Variants in ZFYVE9 observed in about 807,000 individuals in gnomAD.
ZFYVE9 encodes the protein zinc finger FYVE-type containing 9.
In ZFYVE9, 43 loss-of-function variants were observed where a neutral mutation model predicts 126.7. The ratio of observed to expected loss-of-function variants is 0.34; its 90% CI spans 0.27 to 0.44. ZFYVE9 has a LOEUF of 0.44. ZFYVE9 is among the 20% of genes least tolerant of loss of function. ZFYVE9 has a pLI of 1.00. For synonymous variants in ZFYVE9, 521 were observed against 597.4 expected, an observed-to-expected ratio of 0.87 and a Z score of 1.87; for missense variants, 1,476 against 1,697.0, an observed-to-expected ratio of 0.87 and a Z score of 2.29.
At chr1:52,191,522 AT>A in intron 1 of ZFYVE9, among the ~76,000 whole-genome samples, 1 of 152,302 alleles carries the variant, frequency 6.6e-6, no homozygotes. Context: ...AATGACATAT[AT>A]TTGTAGAATT....
intron 7 of ZFYVE9, among the ~76,000 whole-genome samples, chr1:52,273,018 T>C (rs1183813641): frequency 6.6e-6 from 1 of 152,094 alleles, no homozygotes; most frequent in Non-Finnish European, 1.5e-5. Flanking sequence ...TTTTAACTTT[T>C]TGTTTTGAGA....
At chr1:52,154,218 A>G (rs553648) in intron 1 of ZFYVE9, among the ~76,000 whole-genome samples, 147,344 of 152,308 alleles carry the variant, frequency 0.97, 71,287 homozygotes, top group East Asian at 1. Context: ...CCTGGAATAA[A>G]TGTCTAATCC....
intron 12 of ZFYVE9, among the ~76,000 whole-genome samples, chr1:52,298,964 A>G (rs1192021074): frequency 6.6e-6 from 1 of 151,902 alleles, no homozygotes; most frequent in African/African-American, 2.4e-5. Flanking sequence ...GCCCGCCACC[A>G]CGCCTGGCCA....
chr1:52,309,683 CAG>C (rs1646120054), intron 13 of ZFYVE9, among the ~76,000 whole-genome samples: 2 of 152,000 alleles, frequency 1.3e-5, no homozygotes, highest in South Asian at 4.2e-4. Context: ...AAAATCCACT[CAG>C]AGGAATTTAG....
At chr1:52,318,740 A>G (rs2147856793) in intron 13 of ZFYVE9, among the ~76,000 whole-genome samples, 1 of 152,260 alleles carries the variant, frequency 6.6e-6, no homozygotes, top group African/African-American at 2.4e-5. Flanking sequence ...TCGTGAGATT[A>G]TTGTATAAAA....
At chr1:52,250,793 T>C (rs1237272448) in intron 4 of ZFYVE9, among the ~76,000 whole-genome samples, 1 of 151,868 alleles carries the variant, frequency 6.6e-6, no homozygotes, top group African/African-American at 2.4e-5. Context: ...CACCGCATCC[T>C]CAACCTCCTG....
chr1:52,327,711 C>T (rs955694230), intron 13 of ZFYVE9, among the ~76,000 whole-genome samples: 15 of 152,210 alleles, frequency 9.9e-5, no homozygotes, highest in African/African-American at 3.1e-4. Context: ...CGATGGCTCA[C>T]GCATGTGATC....
At chr1:52,330,813 A>T (rs1316546834) in intron 13 of ZFYVE9, among the ~76,000 whole-genome samples, 1 of 151,988 alleles carries the variant, frequency 6.6e-6, no homozygotes, top group African/African-American at 2.4e-5. Context: ...GCCTCATTTT[A>T]CCCAGCCCCT....
At chr1:52,177,403 G>T (rs151075487) in intron 1 of ZFYVE9, among the ~76,000 whole-genome samples, 97 of 152,226 alleles carry the variant, frequency 6.4e-4, no homozygotes, top group Middle Eastern at 3.4e-3. Flanking sequence ...CCGCCTCGCC[G>T]CACAAAGTGC....
intron 1 of ZFYVE9, among the ~76,000 whole-genome samples, chr1:52,178,769 G>T (rs760926232): frequency 2.0e-5 from 3 of 152,098 alleles, no homozygotes; most frequent in African/African-American, 7.2e-5. Flanking sequence ...AATTAGAGTA[G>T]TAACATCTAG....
chr1:52,171,229 T>C (rs1644565790), intron 1 of ZFYVE9, among the ~76,000 whole-genome samples: 1 of 149,362 alleles, frequency 6.7e-6, no homozygotes, highest in South Asian at 2.2e-4. Context: ...TCAATTCCCA[T>C]CTATGAGTGA....
intron 4 of ZFYVE9, among the ~76,000 whole-genome samples, chr1:52,242,212 A>G (rs1057023489): frequency 1.3e-5 from 2 of 151,980 alleles, no homozygotes; most frequent in African/African-American, 2.4e-5. Flanking sequence ...TTGTATTTTT[A>G]GTAGAGGCGG....
Position 52,271,985 on chromosome 1 carries a change from G to A in ZFYVE9, c.2626-2479G>A, listed in dbSNP as rs564289746. On this transcript the variant is annotated intron_variant, in intron 7 of 18. Coordinates refer to ENST00000287727, the MANE Select transcript of ZFYVE9 (RefSeq NM_004799.4). ...CTCCTGGGTAGCTGGGATTACAGGCGCCCACCACCACACCTGGCAAATTTT... is the reference window on the plus strand; with the variant it reads ...CTCCTGGGTAGCTGGGATTACAGGCACCCACCACCACACCTGGCAAATTTT... Among the ~76,000 whole-genome samples, 11 of 151,728 alleles carry A rather than the reference G, an allele frequency of 7.2e-5. 1 individual carries two copies. The South Asian group carries it at 8.3e-4, about 11-fold the overall frequency.
intron 18 of ZFYVE9, among the ~76,000 whole-genome samples, chr1:52,345,417 G>A (rs928862451): frequency 6.6e-6 from 1 of 152,206 alleles, no homozygotes; most frequent in Admixed American, 6.5e-5. Flanking sequence ...TGATCACAGG[G>A]TTGTGCCATT....
At chr1:52,237,227 C>A (rs1056850695) in intron 3 of ZFYVE9, among the ~76,000 whole-genome samples, 10 of 152,124 alleles carry the variant, frequency 6.6e-5, no homozygotes, top group Non-Finnish European at 1.3e-4. Flanking sequence ...GTCCCATTCA[C>A]CTGTGGGTCA....
intron 13 of ZFYVE9, among the ~76,000 whole-genome samples, chr1:52,315,730 G>T (rs1196356964): frequency 6.6e-6 from 1 of 151,992 alleles, no homozygotes; most frequent in Non-Finnish European, 1.5e-5. Flanking sequence ...TAAATAGCAA[G>T]ATAGTAAATT....
At chr1:52,310,120 C>T (rs1646124366) in intron 13 of ZFYVE9, among the ~76,000 whole-genome samples, 1 of 151,888 alleles carries the variant, frequency 6.6e-6, no homozygotes, top group African/African-American at 2.4e-5. Flanking sequence ...TACAGGCACA[C>T]ACCATCATGT....
At chr1:52,255,018 G>A (rs748020090) in intron 4 of ZFYVE9, among the ~76,000 whole-genome samples, 1 of 151,912 alleles carries the variant, frequency 6.6e-6, no homozygotes, top group Non-Finnish European at 1.5e-5. Context: ...CTTGAACCCA[G>A]GAGGTCGAGG....
chr1:52,340,281 T>G (rs1646422234), intron 17 of ZFYVE9, 50 bp downstream of exon 17: 1 of 1,443,984 alleles, frequency 6.9e-7, no homozygotes, highest in Non-Finnish European at 9.7e-7. Context: ...CACAACTTTT[T>G]GCTAGGCCAA....
Sources: gnomAD v4.1 joint callset for allele counts (sites outside exome capture counted in the v4.1 genomes callset) on GRCh38, gnomAD v4.1.1 for gene constraint, MANE v1.5 for transcripts, NCBI Gene and HGNC (gene_info 2026-07-23, HGNC 2026-07-21) for gene names.